Variants in DMD observed in about 807,000 individuals in gnomAD.
The protein encoded by DMD is dystrophin.
Under a neutral mutation model 330.1 loss-of-function variants are expected in DMD, and 63 were observed. That is an observed-to-expected ratio of 0.19 (90% CI 0.16 to 0.24). The LOEUF is 0.24. Ranked by LOEUF, DMD falls within the 10% of genes least tolerant of loss-of-function variation. The probability of loss-of-function intolerance (pLI) is 1.00; values close to 1 mark genes in which losing one functional copy is unlikely to be tolerated. For missense variants in DMD, 3,344 were observed against 2,684.1 expected, an observed-to-expected ratio of 1.25 and a Z score of -5.43; for synonymous variants, 1,223 against 959.8, an observed-to-expected ratio of 1.27 and a Z score of -5.07.
chrX:32,991,175 G>T (rs1295504772), intron 2 of DMD, among the ~76,000 whole-genome samples: 1 of 110,197 alleles, frequency 9.1e-6, no homozygotes, highest in East Asian at 2.8e-4. Context: ...TTCTTTTCAG[G>T]TTATTTCTAA....
chrX:32,921,011 G>A (rs368423983), intron 2 of DMD, among the ~76,000 whole-genome samples: 1 of 111,907 alleles, frequency 8.9e-6, no homozygotes, highest in East Asian at 2.8e-4. Context: ...CCAGGAAAGA[G>A]CCTTTGCAAA....
At chrX:32,785,655 G>C (rs1412676855) in intron 7 of DMD, among the ~76,000 whole-genome samples, 2 of 111,151 alleles carry the variant, frequency 1.8e-5, no homozygotes, top group African/African-American at 3.3e-5. Context: ...TTTTACTTAG[G>C]TTATAACAAT....
intron 25 of DMD, among the ~76,000 whole-genome samples, chrX:32,461,372 C>A (rs1477179475): frequency 9.0e-6 from 1 of 111,005 alleles, no homozygotes; most frequent in African/African-American, 3.3e-5. Flanking sequence ...ACTCATTTGG[C>A]TACAAAGTCA....
intron 59 of DMD, among the ~76,000 whole-genome samples, chrX:31,460,464 TA>T (rs758256009): frequency 1.1e-4 from 12 of 112,461 alleles, no homozygotes; most frequent in Non-Finnish European, 1.5e-4. Context: ...AGAAACTCTA[TA>T]AAGTACTATT....
At chrX:33,208,413 C>T (rs1309278851) in intron 1 of DMD, among the ~76,000 whole-genome samples, 1 of 110,857 alleles carries the variant, frequency 9.0e-6, no homozygotes, top group East Asian at 2.8e-4. Context: ...ACATGAGGGG[C>T]CCCTCCCAAG....
chrX:31,232,416 A>C (rs1015769169), intron 63 of DMD, among the ~76,000 whole-genome samples: 6 of 111,965 alleles, frequency 5.4e-5, no homozygotes, highest in African/African-American at 1.9e-4. Context: ...AGATGAGAAC[A>C]GATCAGAGCT....
chrX:31,578,666 A>C (rs2076212587), intron 55 of DMD, among the ~76,000 whole-genome samples: 1 of 111,900 alleles, frequency 8.9e-6, no homozygotes, highest in African/African-American at 3.3e-5. Flanking sequence ...GCGCTACCAG[A>C]GCCACTTAGA....
chrX:32,780,094 T>C (rs746617856), intron 7 of DMD, among the ~76,000 whole-genome samples: 2 of 112,015 alleles, frequency 1.8e-5, no homozygotes, highest in African/African-American at 6.5e-5. Context: ...ACCCGATATG[T>C]AGTGTGTATT....
chrX:31,641,074 A>G (rs2079710369), intron 54 of DMD, among the ~76,000 whole-genome samples: 1 of 112,455 alleles, frequency 8.9e-6, no homozygotes, highest in African/African-American at 3.2e-5. Context: ...GATAGAAGAC[A>G]TGTTGTAACC....
chrX:32,985,506 C>CA (rs988745035), intron 2 of DMD, among the ~76,000 whole-genome samples: 5 of 111,028 alleles, frequency 4.5e-5, no homozygotes, highest in African/African-American at 1.6e-4. Flanking sequence ...CCTACCATAA[C>CA]ACATGCATAC....
intron 17 of DMD, among the ~76,000 whole-genome samples, chrX:32,520,031 C>T (rs909149133): frequency 4.5e-5 from 5 of 111,520 alleles, no homozygotes; most frequent in Non-Finnish European, 5.7e-5. Context: ...TGTTATTTAT[C>T]GAGGCTATCC....
intron 18 of DMD, among the ~76,000 whole-genome samples, chrX:32,503,650 G>C (rs1201487085): frequency 9.0e-6 from 1 of 110,858 alleles, no homozygotes; most frequent in Non-Finnish European, 1.9e-5. Flanking sequence ...CTGCCTCCCG[G>C]GTTCAAGCAA....
chrX:31,131,949 A>G (rs929588898), intron 77 of DMD, among the ~76,000 whole-genome samples: 2 of 112,194 alleles, frequency 1.8e-5, no homozygotes, highest in African/African-American at 6.5e-5. Context: ...ATGATAGGCC[A>G]GATTTTCCAA....
At chrX:31,807,060 C>G (rs2092313348) in intron 50 of DMD, among the ~76,000 whole-genome samples, 1 of 111,400 alleles carries the variant, frequency 9.0e-6, no homozygotes, top group Non-Finnish European at 1.9e-5. Context: ...AAACTCTACC[C>G]TTTTGACGGC....
chrX:32,983,421 T>C (rs1418726222), intron 2 of DMD, among the ~76,000 whole-genome samples: 1 of 109,546 alleles, frequency 9.1e-6, no homozygotes, highest in Non-Finnish European at 1.9e-5. Context: ...GATGTCGATT[T>C]GGTTTCTAGA....
chrX:31,919,619 A>G (rs1020671651), intron 47 of DMD, among the ~76,000 whole-genome samples: 12 of 112,477 alleles, frequency 1.1e-4, no homozygotes, highest in African/African-American at 3.6e-4. Context: ...TTCACAAATT[A>G]TAAGTGCAAC....
chrX:31,218,472 G>C (rs886271916), intron 64 of DMD, among the ~76,000 whole-genome samples: 5 of 111,226 alleles, frequency 4.5e-5, no homozygotes, highest in Non-Finnish European at 9.4e-5. Flanking sequence ...CAGCTATGAC[G>C]TATTAACAGG....
At position 32,542,830 on chromosome X, in the gene DMD, A is replaced by G. The variant is rs143442057; in HGVS notation, c.2168+2329T>C. 2.2e-3 allele frequency among the ~76,000 whole-genome samples: 248 copies of G among 112,185 alleles called. 7 individuals carry two copies. In the East Asian group the frequency reaches 0.056, roughly 25 times the overall value. ...AATTTATCAATCAAGTGTCGTATAT[A>G]GCGTGTTCAGATAATTTTGCCGTCC... is the stretch of plus-strand genomic sequence containing the variant. On this transcript the variant is annotated intron_variant, in intron 17 of 78. Transcript: ENST00000357033.
At chrX:32,356,504 T>C (rs1185733508) in intron 37 of DMD, among the ~76,000 whole-genome samples, 1 of 109,985 alleles carries the variant, frequency 9.1e-6, no homozygotes, top group Non-Finnish European at 1.9e-5. Context: ...AATACATATA[T>C]ATAGAAACTG....
Sources: allele counts gnomAD v4.1 joint callset (sites outside exome capture counted in the v4.1 genomes callset), GRCh38; gene constraint gnomAD v4.1.1; transcripts MANE v1.5; gene names NCBI Gene and HGNC (gene_info 2026-07-23, HGNC 2026-07-21).